RPN2: variants seen among roughly 807,000 people sequenced by gnomAD.
The protein encoded by RPN2 is ribophorin II.
A neutral mutation model predicts 71.4 loss-of-function variants in RPN2; 29 were observed. The ratio of observed to expected loss-of-function variants is 0.41; its 90% CI spans 0.30 to 0.55. RPN2 has a LOEUF of 0.55. RPN2 is among the 20% of genes least tolerant of loss of function. RPN2 has a pLI of 0.35. For synonymous variants in RPN2, 308 were observed against 305.0 expected (o/e 1.01, Z -0.10); for missense variants, 726 against 774.1 (o/e 0.94, Z 0.74).
chr20:37,238,322 G>A (rs2068456522), intron 16 of RPN2: 1 of 1,074,234 alleles, frequency 9.3e-7, no homozygotes, highest in Admixed American at 2.0e-5. Flanking sequence ...GCTCTGGTTG[G>A]GTGTTTGTCA....
chr20:37,206,857 T>C (rs1284117627), intron 6 of RPN2, among the ~76,000 whole-genome samples: 6 of 152,016 alleles, frequency 3.9e-5, no homozygotes, highest in African/African-American at 1.4e-4. Flanking sequence ...TACAGGCGCA[T>C]GCCACCATGC....
At chr20:37,220,384 T>G (rs944236759) in intron 9 of RPN2, among the ~76,000 whole-genome samples, 1 of 152,156 alleles carries the variant, frequency 6.6e-6, no homozygotes, top group African/African-American at 2.4e-5. Flanking sequence ...GGAAGTCCTG[T>G]AATAGCCCTC....
chr20:37,241,025 C>T (rs947512470), intron 16 of RPN2, among the ~76,000 whole-genome samples: 3 of 152,192 alleles, frequency 2.0e-5, no homozygotes, highest in African/African-American at 7.2e-5. Context: ...ACCTCATCTC[C>T]TTATGTTGTC....
chr20:37,224,038 C>T, intron 10 of RPN2, 69 bp downstream of exon 10: 3 of 1,305,410 alleles, frequency 2.3e-6, no homozygotes, highest in South Asian at 1.2e-5. Context: ...TGCCTAGGCA[C>T]TGAGCCCTGC....
intron 6 of RPN2, 55 bp from the exon 7 acceptor site, chr20:37,207,218 C>A: frequency 7.0e-7 from 1 of 1,434,208 alleles, no homozygotes; most frequent in Non-Finnish European, 9.8e-7. Flanking sequence ...CAGCAGTGGC[C>A]CTCCCACCTT....
chr20:37,211,639 C>T (rs1251862704), intron 8 of RPN2, among the ~76,000 whole-genome samples: 3 of 84,712 alleles, frequency 3.5e-5, no homozygotes, highest in Non-Finnish European at 5.2e-5. Context: ...GAGGCTCCAT[C>T]TCTATTAAAA....
chr20:37,224,040 G>A, intron 10 of RPN2, 71 bp downstream of exon 10: 1 of 1,292,606 alleles, frequency 7.7e-7, no homozygotes, highest in Non-Finnish European at 1.1e-6. Context: ...CCTAGGCACT[G>A]AGCCCTGCAG....
rs937157330 is a variant in RPN2 at position 37,199,177 on chromosome 20, C to G, written c.431C>G (p.Ala144Gly). 1 of 1,614,198 alleles carries G rather than the reference C, an allele frequency of 6.2e-7. No homozygotes were observed. Among genetic ancestry groups the G allele is most frequent in the Non-Finnish European group, 8.5e-7 (1 of 1,180,036 alleles). The change falls in exon 4 of 17, where the codon GCA becomes GGA. Residue 144 changes from alanine to glycine, a missense_variant. Transcript: ENST00000237530. Reference sequence around the variant, plus strand: ...GGCCTTCCCTTGGCATCCCAAGAAGCACTCAGTGCCCTTACTGCTCGTCTC... The same window carrying G: ...GGCCTTCCCTTGGCATCCCAAGAAGGACTCAGTGCCCTTACTGCTCGTCTC... ...GFGLPLASQE[A>G]LSALTARLSK...
chr20:37,208,110 G>T (rs1306110620), intron 7 of RPN2, among the ~76,000 whole-genome samples: 1 of 151,796 alleles, frequency 6.6e-6, no homozygotes, highest in Admixed American at 6.6e-5. Context: ...TCTCTACTAA[G>T]AATACAAAAA....
intron 9 of RPN2, 30 bp from the exon 10 acceptor site, chr20:37,223,848 C>T: frequency 1.3e-6 from 2 of 1,590,834 alleles, no homozygotes; most frequent in Non-Finnish European, 1.7e-6. Context: ...ACCAATTGAC[C>T]TGGCAACTGT....
rs562053271 is a variant in RPN2, at chr20:37,196,479, C to T, written c.208-1918C>T. ...CGATCTCCTGACCTTGTGATCTGCTCGCCTTGACCTCCCAAAGTGCTGGTA... is the reference window on the plus strand; with the variant it reads ...CGATCTCCTGACCTTGTGATCTGCTTGCCTTGACCTCCCAAAGTGCTGGTA... On this transcript the variant is annotated intron_variant, in intron 2 of 16. Transcript: ENST00000237530. Among the ~76,000 whole-genome samples, 95 of 152,182 alleles carry T rather than the reference C, an allele frequency of 6.2e-4. No individual in the cohort carries two copies. The South Asian group carries it at 9.1e-3, about 15-fold the overall frequency.
intron 16 of RPN2, 36 bp from the exon 17 acceptor site, chr20:37,241,267 T>C: frequency 6.2e-7 from 1 of 1,611,388 alleles, no homozygotes; most frequent in Non-Finnish European, 8.5e-7. Flanking sequence ...AACTGAAACC[T>C]TCAGTAATTC....
chr20:37,239,496 G>A (rs2068493364), intron 16 of RPN2, among the ~76,000 whole-genome samples: 1 of 152,190 alleles, frequency 6.6e-6, no homozygotes, highest in South Asian at 2.1e-4. Flanking sequence ...ATCAACAAAA[G>A]CATAGTATTT....
intron 14 of RPN2, among the ~76,000 whole-genome samples, chr20:37,233,500 TTAAATC>T (rs1453303492): frequency 2.6e-5 from 4 of 152,206 alleles, no homozygotes; most frequent in African/African-American, 4.8e-5. Context: ...GAATTACTGT[TTAAATC>T]TAGATAAATC....
chr20:37,237,920 G>C (rs1216315482), intron 16 of RPN2, among the ~76,000 whole-genome samples: 2 of 152,188 alleles, frequency 1.3e-5, no homozygotes, highest in Non-Finnish European at 2.9e-5. Flanking sequence ...TGCCCGCCAT[G>C]GTGGCTTATG....
chr20:37,205,058 G>A (rs968915607), intron 6 of RPN2, among the ~76,000 whole-genome samples, 157 bp downstream of exon 6: 2 of 152,168 alleles, frequency 1.3e-5, no homozygotes, highest in African/African-American at 4.8e-5. Context: ...ATAGAAAGAT[G>A]TAATGCCTGT....
At chr20:37,233,397 A>T (rs1202631531) in intron 14 of RPN2, among the ~76,000 whole-genome samples, 4 of 152,156 alleles carry the variant, frequency 2.6e-5, no homozygotes, top group Admixed American at 6.5e-5. Flanking sequence ...ACATGAATGC[A>T]TATCCTCAAA....
rs2068131663 is a variant in RPN2, at chr20:37,228,285, ACTGGG to A, written c.1300-263_1300-259del. On this transcript the variant is annotated intron_variant, in intron 11 of 16. Coordinates refer to ENST00000237530, the MANE Select transcript of RPN2 (RefSeq NM_002951.5). ...AGCAAAGGGCTTAAATCATCTGCAA[ACTGGG>A]CAGTCAGCCTCCAACTAGTCGAGAA... 3.3e-5 allele frequency among the ~76,000 whole-genome samples: 5 copies of A among 152,316 alleles called. 1 individual carries two copies. The highest frequency in any genetic ancestry group is 3.3e-4 in the Admixed American group (5 of 15,306).
chr20:37,211,502 G>C (rs909602251), intron 8 of RPN2, among the ~76,000 whole-genome samples: 12 of 151,284 alleles, frequency 7.9e-5, no homozygotes, highest in Non-Finnish European at 1.6e-4. Context: ...TTAGCCAGAC[G>C]TGGTGGTGCA....
Sources: gnomAD v4.1 joint callset for allele counts (sites outside exome capture counted in the v4.1 genomes callset) on GRCh38, gnomAD v4.1.1 for gene constraint, MANE v1.5 for transcripts, NCBI Gene and HGNC (gene_info 2026-07-23, HGNC 2026-07-21) for gene names.